The following CAMKMT variants were observed in gnomAD, a reference collection of about 807,000 sequenced individuals.
CAMKMT encodes the protein calmodulin-lysine N-methyltransferase.
In CAMKMT, 53 loss-of-function variants were observed where a neutral mutation model predicts 48.0. The ratio of observed to expected loss-of-function variants is 1.10; its 90% CI spans 0.89 to 1.39. The LOEUF is 1.39. CAMKMT is among the 40% of genes most tolerant of loss of function. CAMKMT has a pLI of 0.00. For synonymous variants in CAMKMT, 165 were observed against 152.3 expected (o/e 1.08, Z -0.61); for missense variants, 428 against 402.7 (o/e 1.06, Z -0.54).
chr2:44,420,371 G>A (rs1004140073), intron 3 of CAMKMT, among the ~76,000 whole-genome samples: 4 of 151,966 alleles, frequency 2.6e-5, no homozygotes, highest in African/African-American at 9.7e-5. Context: ...TGCTAGAGGG[G>A]CAATATATAT....
At chr2:44,688,601 C>T (rs1455338842) in intron 3 of CAMKMT, among the ~76,000 whole-genome samples, 2 of 151,898 alleles carry the variant, frequency 1.3e-5, no homozygotes, top group African/African-American at 4.8e-5. Context: ...AGACTAAACC[C>T]CAATGAGATG....
intron 3 of CAMKMT, among the ~76,000 whole-genome samples, chr2:44,580,725 C>A (rs1033530878): frequency 3.3e-5 from 5 of 152,112 alleles, no homozygotes; most frequent in Admixed American, 2.6e-4. Context: ...GCAATCATAG[C>A]AGTATCATCA....
rs535125749 is a variant in CAMKMT, at chr2:44,495,022, T to C, written c.376+104717T>C. On this transcript the variant is annotated intron_variant, in intron 3 of 10. Coordinates refer to ENST00000378494, the MANE Select transcript of CAMKMT (RefSeq NM_024766.5). ...TGAATGAACGTGAGATGTAGAGTGA[T>C]GATGGATAGACCCTAATTATGTCCA... Among the ~76,000 whole-genome samples the C allele has an allele frequency of 2.6e-5, 4 of 152,362 alleles. No homozygotes were observed. The East Asian group carries it at 7.7e-4, about 29-fold the overall frequency.
At chr2:44,483,861 C>T (rs895269030) in intron 3 of CAMKMT, among the ~76,000 whole-genome samples, 4 of 152,016 alleles carry the variant, frequency 2.6e-5, no homozygotes, top group Non-Finnish European at 4.4e-5. Context: ...CTGAATATCC[C>T]CTGAGATTTT....
At chr2:44,662,779 G>A (rs1421658107) in intron 3 of CAMKMT, among the ~76,000 whole-genome samples, 1 of 152,038 alleles carries the variant, frequency 6.6e-6, no homozygotes, top group African/African-American at 2.4e-5. Flanking sequence ...GCCCAGGCTG[G>A]TCTTGAACTC....
chr2:44,593,559 G>A (rs1670449728), intron 3 of CAMKMT, among the ~76,000 whole-genome samples: 1 of 152,098 alleles, frequency 6.6e-6, no homozygotes, highest in African/African-American at 2.4e-5. Context: ...TGAGATAATT[G>A]TTGGACTCAC....
At chr2:44,620,741 AAAAC>A (rs1207001649) in intron 3 of CAMKMT, among the ~76,000 whole-genome samples, 3 of 152,206 alleles carry the variant, frequency 2.0e-5, no homozygotes, top group Non-Finnish European at 4.4e-5. Context: ...CCTCTGTTTC[AAAAC>A]AAACAGATTC....
chr2:44,419,780 C>T (rs1683804738), intron 3 of CAMKMT, among the ~76,000 whole-genome samples: 1 of 151,862 alleles, frequency 6.6e-6, no homozygotes, highest in South Asian at 2.1e-4. Context: ...TCACTTGAGC[C>T]CAAGAATTCA....
intron 3 of CAMKMT, among the ~76,000 whole-genome samples, chr2:44,401,992 A>G (rs1452813757): frequency 4.6e-5 from 7 of 152,162 alleles, no homozygotes. Flanking sequence ...AGTAAGGGGA[A>G]GTAATTTTTT....
At chr2:44,490,298 G>A (rs1477656192) in intron 3 of CAMKMT, among the ~76,000 whole-genome samples, 2 of 151,634 alleles carry the variant, frequency 1.3e-5, no homozygotes, top group Admixed American at 6.6e-5. Flanking sequence ...TTTTTGAGAT[G>A]GAGTTTTGCT....
At chr2:44,600,594 T>C (rs1670928330) in intron 3 of CAMKMT, among the ~76,000 whole-genome samples, 1 of 152,100 alleles carries the variant, frequency 6.6e-6, no homozygotes, top group Non-Finnish European at 1.5e-5. Context: ...CAGAAACCTT[T>C]TCTCTGTAAA....
In CAMKMT at chr2:44,735,587, A is replaced by G. The variant is rs907476132; in HGVS notation, c.624-8035A>G. ...ACTTATCACAGACTATCCTCAAATG[A>G]TATACCATTTCATGTATATTATTAA... On this transcript the variant is annotated intron_variant, in intron 7 of 10. Coordinates refer to ENST00000378494, the MANE Select transcript of CAMKMT (RefSeq NM_024766.5). Among the ~76,000 whole-genome samples the G allele has an allele frequency of 5.9e-5, 9 of 152,088 alleles. No homozygotes were observed. In the South Asian group the frequency reaches 1.5e-3, roughly 25 times the overall value.
chr2:44,585,161 A>G (rs1669789127), intron 3 of CAMKMT, among the ~76,000 whole-genome samples: 1 of 152,176 alleles, frequency 6.6e-6, no homozygotes, highest in Non-Finnish European at 1.5e-5. Context: ...AGTCAAGTTA[A>G]TTTTGATACC....
chr2:44,414,866 A>T (rs996549271), intron 3 of CAMKMT, among the ~76,000 whole-genome samples: 26 of 152,200 alleles, frequency 1.7e-4, no homozygotes, highest in African/African-American at 5.1e-4. Context: ...TTGAATTTTT[A>T]AAAAATCGGC....
At chr2:44,371,699 C>A (rs1679196790) in intron 1 of CAMKMT, among the ~76,000 whole-genome samples, 1 of 152,108 alleles carries the variant, frequency 6.6e-6, no homozygotes, top group Non-Finnish European at 1.5e-5. Flanking sequence ...TGCCCCACCA[C>A]CATTATTTTG....
chr2:44,588,735 G>A (rs1159904020), intron 3 of CAMKMT, among the ~76,000 whole-genome samples: 4 of 42,934 alleles, frequency 9.3e-5, no homozygotes, highest in Admixed American at 2.4e-4. Flanking sequence ...CGCCCCGTCC[G>A]GGAGGTGAGG....
intron 3 of CAMKMT, among the ~76,000 whole-genome samples, chr2:44,517,100 A>G (rs980156590): frequency 6.6e-6 from 1 of 152,154 alleles, no homozygotes. Flanking sequence ...TTATATTATA[A>G]ATGTGCATAA....
chr2:44,568,010 G>C (rs1017425328), intron 3 of CAMKMT, among the ~76,000 whole-genome samples: 7 of 151,700 alleles, frequency 4.6e-5, no homozygotes, highest in Admixed American at 3.3e-4. Flanking sequence ...TTATGATAAG[G>C]GTCGCTCTTA....
At chr2:44,651,458 T>G (rs1674060940) in intron 3 of CAMKMT, among the ~76,000 whole-genome samples, 1 of 152,116 alleles carries the variant, frequency 6.6e-6, no homozygotes, top group Non-Finnish European at 1.5e-5. Flanking sequence ...CCGAGGCGGG[T>G]GGATCACCTG....
Sources: gnomAD v4.1 joint callset for allele counts (sites outside exome capture counted in the v4.1 genomes callset) on GRCh38, gnomAD v4.1.1 for gene constraint, MANE v1.5 for transcripts, NCBI Gene and HGNC (gene_info 2026-07-23, HGNC 2026-07-21) for gene names.